Variants in HIRA observed in about 807,000 individuals in gnomAD.
HIRA encodes the protein histone cell cycle regulator.
A neutral mutation model predicts 126.6 loss-of-function variants in HIRA; 13 were observed. The observed-to-expected ratio is 0.10, with a 90% CI of 0.07 to 0.16. The LOEUF is 0.16. Ranked by LOEUF, HIRA falls within the 10% of genes least tolerant of loss-of-function variation. The pLI, the probability that HIRA is intolerant of heterozygous loss-of-function variation, is 1.00. For synonymous variants in HIRA, 511 were observed against 520.0 expected (o/e 0.98, Z 0.24); for missense variants, 834 against 1,314.4 (o/e 0.63, Z 5.65).
chr22:19,384,696 C>T (rs922656328), intron 12 of HIRA, among the ~76,000 whole-genome samples: 1 of 151,732 alleles, frequency 6.6e-6, no homozygotes, highest in Admixed American at 6.6e-5. Context: ...ACTCTGTCTC[C>T]CAGGCTGGAG....
At chr22:19,386,721 G>A (rs1450454585) in intron 11 of HIRA, among the ~76,000 whole-genome samples, 3 of 152,202 alleles carry the variant, frequency 2.0e-5, no homozygotes, top group South Asian at 2.1e-4. Flanking sequence ...TAAGCAGATG[G>A]GTTATTAGGC....
At chr22:19,395,565 G>C (rs1307835152) in intron 7 of HIRA, among the ~76,000 whole-genome samples, 1 of 152,226 alleles carries the variant, frequency 6.6e-6, no homozygotes, top group Non-Finnish European at 1.5e-5. Flanking sequence ...AGCTGGTGTT[G>C]TGCGGGAAGA....
intron 1 of HIRA, among the ~76,000 whole-genome samples, chr22:19,425,260 T>G (rs1351520880): frequency 6.6e-6 from 1 of 152,234 alleles, no homozygotes; most frequent in Non-Finnish European, 1.5e-5. Flanking sequence ...ACAATCCCAC[T>G]CACTTCTAGG....
intron 1 of HIRA, among the ~76,000 whole-genome samples, chr22:19,423,482 T>TACAC (rs777914879): frequency 0.04 from 4,420 of 111,158 alleles, 66 homozygotes; most frequent in African/African-American, 0.057. Context: ...CACACATGCA[T>TACAC]ACACACACAC....
Position 19,356,266 on chromosome 22 carries a change from C to A in HIRA, c.2419G>T (p.Val807Leu). 2 of 1,614,136 alleles carry A rather than the reference C, an allele frequency of 1.2e-6. No homozygotes were observed. The highest frequency in any genetic ancestry group is 4.5e-5 in the East Asian group (2 of 44,884). The change falls in exon 20 of 25, where the codon GTG becomes TTG. Residue 807 changes from valine to leucine, a missense_variant. Physicochemically the swap from Val to Leu is conservative, Grantham distance 32. Coordinates refer to ENST00000263208, the MANE Select transcript of HIRA (RefSeq NM_003325.4). The part of the protein sequence containing the change: ...SVWDVHRQVV[V>L]VKEESLHSIL... ...GAGTGTAGAGACTCTTCTTTCACCA[C>A]AACCACCTGTCTGTGAACATCCCTA...
intron 15 of HIRA, among the ~76,000 whole-genome samples, chr22:19,369,793 G>A (rs183138004): frequency 2.7e-3 from 405 of 152,192 alleles, no homozygotes; most frequent in Non-Finnish European, 4.5e-3. Flanking sequence ...TTAGCCGGGC[G>A]TCATGGCATA....
At chr22:19,356,386 C>A in intron 19 of HIRA, 98 bp from the exon 20 acceptor site, 1 of 1,032,412 alleles carries the variant, frequency 9.7e-7, no homozygotes, top group Non-Finnish European at 1.5e-6. Context: ...TGCATGCGAC[C>A]CTAACCCTGG....
At chr22:19,363,854 G>T (rs1008555778) in intron 15 of HIRA, among the ~76,000 whole-genome samples, 1 of 152,034 alleles carries the variant, frequency 6.6e-6, no homozygotes, top group Non-Finnish European at 1.5e-5. Context: ...GCCGAGATGC[G>T]ACTGTGCCAC....
chr22:19,400,958 G>C (rs892267999), intron 5 of HIRA, among the ~76,000 whole-genome samples: 9 of 152,030 alleles, frequency 5.9e-5, no homozygotes, highest in African/African-American at 2.2e-4. Flanking sequence ...CACGCCACCA[G>C]GAACTCCGAT....
chr22:19,414,155 T>C (rs1383285457), intron 1 of HIRA, among the ~76,000 whole-genome samples: 2 of 152,172 alleles, frequency 1.3e-5, no homozygotes, highest in Non-Finnish European at 2.9e-5. Context: ...CAGATCAGAA[T>C]GTTGTCCCTG....
rs2089035560 is a variant in HIRA at position 19,378,026 on chromosome 22, C to T, written c.1456G>A (p.Gly486Ser). The T allele has an allele frequency of 6.2e-7, 1 of 1,600,998 alleles. No individual in the cohort carries two copies. Among genetic ancestry groups the T allele is most frequent in the South Asian group, 1.1e-5 (1 of 89,358 alleles). The change falls in exon 14 of 25, where the codon GGC (glycine) becomes AGC (serine). Residue 486 changes from glycine (G) to serine (S), a missense_variant. Physicochemically the swap from Gly to Ser is moderately conservative, Grantham distance 56. Around this residue, in one of 5 missense-constraint regions of HIRA, gnomAD observed 468 missense variants for 574.2 expected, o/e 0.82. Coordinates refer to ENST00000263208, the MANE Select transcript of HIRA (RefSeq NM_003325.4). Reference protein sequence around the residue: ...TAFFNSIPLSGSLAGTMLSSH... With the variant: ...TAFFNSIPLSSSLAGTMLSSH... ...GAGAGCATGGTGCCCGCCAGGGAGC[C>T]CGAGAGGGGGATGCTGTTAAAGAAT...
chr22:19,372,571 A>ATT (rs200950966), intron 15 of HIRA, among the ~76,000 whole-genome samples: 10 of 136,068 alleles, frequency 7.3e-5, no homozygotes, highest in East Asian at 2.1e-4. Context: ...AAAGCTTTTA[A>ATT]TTTTTTTTTT....
intron 5 of HIRA, among the ~76,000 whole-genome samples, chr22:19,404,108 A>G (rs2089290378): frequency 6.6e-6 from 1 of 152,172 alleles, no homozygotes; most frequent in Admixed American, 6.5e-5. Context: ...CCAACCCCCA[A>G]TTAAATATAC....
chr22:19,408,209 G>A lies in HIRA; in HGVS notation c.211+274C>T, dbSNP rs114206045. Among the ~76,000 whole-genome samples the A allele has an allele frequency of 7.8e-3, 1,186 of 152,202 alleles. 18 individuals carry two copies. The highest frequency in any genetic ancestry group is 0.027 in the African/African-American group (1,131 of 41,528). ...CCCAGAACCCTACTGTGTCCAGGTC[G>A]CTGGCCCCAAAGCCCCATGGAATCA... On this transcript the variant is annotated intron_variant, in intron 3 of 24. Transcript: ENST00000263208.
Position 19,356,245 on chromosome 22 carries a change from G to C in HIRA, c.2440C>G (p.His814Asp). ...CCTGCATTACCTGCCAGGATGGAGTGTAGAGACTCTTCTTTCACCACAACC... is the reference window on the plus strand; with the variant it reads ...CCTGCATTACCTGCCAGGATGGAGTCTAGAGACTCTTCTTTCACCACAACC... ...QVVVVKEESLHSILAGSDMTV... is the reference protein window; with the variant it reads ...QVVVVKEESLDSILAGSDMTV... The change falls in exon 20 of 25, where the codon CAC (histidine) becomes GAC (aspartate). Residue 814 changes from histidine (H) to aspartate (D), a missense_variant. Physicochemically the swap from His to Asp is moderately conservative, Grantham distance 81. Around this residue, in one of 5 missense-constraint regions of HIRA, gnomAD observed 468 missense variants for 574.2 expected, o/e 0.82. Coordinates refer to ENST00000263208, the MANE Select transcript of HIRA (RefSeq NM_003325.4). 6.2e-7 allele frequency: 1 copy of C among 1,614,090 alleles called. No homozygotes were observed. The highest frequency in any genetic ancestry group is 8.5e-7 in the Non-Finnish European group (1 of 1,179,922).
chr22:19,338,785 T>C (rs1433895007), intron 24 of HIRA, among the ~76,000 whole-genome samples: 2 of 152,150 alleles, frequency 1.3e-5, no homozygotes, highest in Non-Finnish European at 2.9e-5. Flanking sequence ...TAAATATATA[T>C]GCACCTAGCA....
chr22:19,390,872 C>T, intron 9 of HIRA, among the ~76,000 whole-genome samples: 1 of 152,064 alleles, frequency 6.6e-6, no homozygotes, highest in East Asian at 1.9e-4. Flanking sequence ...AGTGCTCATG[C>T]CAGCGTAAAC....
At chr22:19,374,284 A>G (rs1245369115) in intron 15 of HIRA, among the ~76,000 whole-genome samples, 1 of 152,044 alleles carries the variant, frequency 6.6e-6, no homozygotes, top group East Asian at 1.9e-4. Context: ...CAGTGAGCAG[A>G]GTGGCTAGGA....
At chr22:19,358,044 G>C (rs1556013223) in intron 18 of HIRA, among the ~76,000 whole-genome samples, 1 of 152,156 alleles carries the variant, frequency 6.6e-6, no homozygotes, top group African/African-American at 2.4e-5. Flanking sequence ...CTGTCGCCCA[G>C]GCTGGAGTGT....
Sources: gnomAD v4.1 joint callset for allele counts (sites outside exome capture counted in the v4.1 genomes callset) on GRCh38, gnomAD v4.1.1 for gene constraint, gnomAD v4.1.1 regional missense constraint, MANE v1.5 for transcripts, NCBI Gene and HGNC (gene_info 2026-07-23, HGNC 2026-07-21) for gene names.